MALRD1: variants seen among roughly 807,000 people sequenced by gnomAD.
The protein encoded by MALRD1 is MAM and LDL receptor class A domain containing 1, also known as MAM and LDL-receptor class A domain-containing protein 1.
In MALRD1, 247 loss-of-function variants were observed where a neutral mutation model predicts 242.1. The observed-to-expected ratio is 1.02, with a 90% CI of 0.92 to 1.13. The LOEUF (loss-of-function observed/expected upper bound fraction) is 1.13, where lower values mean the gene tolerates loss of function less well. Among genes scored for constraint, MALRD1 ranks in the 50% most tolerant of loss-of-function variants. MALRD1 has a pLI of 0.00. For missense variants in MALRD1, 2,989 were observed against 2,533.1 expected, an observed-to-expected ratio of 1.18 and a Z score of -3.86; for synonymous variants, 995 against 866.6, an observed-to-expected ratio of 1.15 and a Z score of -2.60.
At chr10:19,491,083 T>G (rs1837473430) in intron 29 of MALRD1, 1 of 281,888 alleles carries the variant, frequency 3.5e-6, no homozygotes, top group Non-Finnish European at 7.4e-6. Context: ...GACAGGAACA[T>G]ATCATTAAAA....
intron 12 of MALRD1, among the ~76,000 whole-genome samples, chr10:19,157,868 A>G (rs1009332192): frequency 2.0e-4 from 30 of 152,134 alleles, no homozygotes; most frequent in African/African-American, 4.8e-4. Context: ...GTGAGTTGCC[A>G]TTTCTAACAG....
intron 29 of MALRD1, among the ~76,000 whole-genome samples, chr10:19,480,958 T>C (rs1355058174): frequency 6.6e-6 from 1 of 152,158 alleles, no homozygotes; most frequent in Non-Finnish European, 1.5e-5. Flanking sequence ...AAACTGAATA[T>C]TTAAAATATA....
rs1455752355 is a variant in MALRD1 at position 19,315,654 on chromosome 10, ATTAT to A, written c.3420-8290_3420-8287del. ...ATATTATTTATATAAATATATAAAT[ATTAT>A]TTATATGACTATAGTTATATATTAT... On this transcript the variant is annotated intron_variant, in intron 21 of 39. Coordinates refer to ENST00000454679, the MANE Select transcript of MALRD1 (RefSeq NM_001142308.3). Among the ~76,000 whole-genome samples the A allele has an allele frequency of 6.2e-5, 8 of 128,582 alleles. No homozygotes were observed. The East Asian group carries it at 9.2e-4, about 15-fold the overall frequency. The allele number at this position is 128,582 out of a possible 152,430, so 84.4% of individuals were successfully genotyped here.
chr10:19,307,626 G>T (rs964609371), intron 21 of MALRD1, among the ~76,000 whole-genome samples: 1 of 151,468 alleles, frequency 6.6e-6, no homozygotes, highest in African/African-American at 2.4e-5. Flanking sequence ...GCTCTTTGAG[G>T]CAAATTGGTA....
At chr10:19,489,415 A>G in intron 29 of MALRD1, 1 of 563,132 alleles carries the variant, frequency 1.8e-6, no homozygotes, top group Non-Finnish European at 3.4e-6. Flanking sequence ...ACTATGTACC[A>G]TGTCTTATCA....
intron 14 of MALRD1, among the ~76,000 whole-genome samples, chr10:19,187,211 G>T (rs187267975): frequency 6.6e-6 from 1 of 152,056 alleles, no homozygotes; most frequent in Non-Finnish European, 1.5e-5. Context: ...ATTAATATTA[G>T]GGCCCTGCTT....
chr10:19,530,608 A>T (rs969498275), intron 31 of MALRD1, among the ~76,000 whole-genome samples: 3 of 150,818 alleles, frequency 2.0e-5, no homozygotes, highest in Non-Finnish European at 4.4e-5. Flanking sequence ...AATGATAGCT[A>T]TGATGAATTT....
At chr10:19,072,877 G>A (rs1001390253) in intron 2 of MALRD1, among the ~76,000 whole-genome samples, 19 of 151,814 alleles carry the variant, frequency 1.3e-4, no homozygotes, top group Non-Finnish European at 1.0e-4. Flanking sequence ...ATGTGTTAAC[G>A]AAATGGAATT....
At chr10:19,581,983 A>AT (rs1485846347) in intron 33 of MALRD1, among the ~76,000 whole-genome samples, 1 of 151,802 alleles carries the variant, frequency 6.6e-6, no homozygotes, top group Non-Finnish European at 1.5e-5. Context: ...GATGGTGAGC[A>AT]TTTTTTTCAT....
At chr10:19,443,537 T>C (rs940143142) in intron 28 of MALRD1, among the ~76,000 whole-genome samples, 1 of 152,200 alleles carries the variant, frequency 6.6e-6, no homozygotes, top group Non-Finnish European at 1.5e-5. Flanking sequence ...CTCTCATTGG[T>C]TTCAAAGAAC....
intron 28 of MALRD1, among the ~76,000 whole-genome samples, chr10:19,398,984 G>A (rs1451967783): frequency 6.6e-6 from 1 of 152,196 alleles, no homozygotes; most frequent in African/African-American, 2.4e-5. Context: ...GGCTGCTCGT[G>A]AATTAATATA....
chr10:19,236,890 T>C (rs1314899438), intron 18 of MALRD1, among the ~76,000 whole-genome samples: 1 of 152,094 alleles, frequency 6.6e-6, no homozygotes, highest in Non-Finnish European at 1.5e-5. Context: ...CAAATATTTC[T>C]AACACATTAG....
chr10:19,312,242 G>C (rs1231164712), intron 21 of MALRD1, among the ~76,000 whole-genome samples: 3 of 151,154 alleles, frequency 2.0e-5, no homozygotes, highest in Admixed American at 6.6e-5. Flanking sequence ...AAACTTATCT[G>C]TTTTTCCATT....
rs199933808 is a variant in MALRD1, at chr10:19,637,056, CTAAA to C, written c.6137+21139_6137+21142del. Among the ~76,000 whole-genome samples, 1,407 of 151,976 alleles carry C rather than the reference CTAAA, an allele frequency of 9.3e-3. 19 individuals are homozygous for C. Among genetic ancestry groups the C allele is most frequent in the African/African-American group, 0.032 (1,320 of 41,436 alleles). On this transcript the variant is annotated intron_variant, in intron 36 of 39. Transcript: ENST00000454679. Reference sequence around the variant, plus strand: ...ATGAAATAAAAGTAAACTTGTCACCCTAAATAAATTAAATTGATAACCAAAAAGT... The same window carrying C: ...ATGAAATAAAAGTAAACTTGTCACCCTAAATTAAATTGATAACCAAAAAGT...
intron 32 of MALRD1, among the ~76,000 whole-genome samples, chr10:19,564,237 A>G (rs1836156335): frequency 6.6e-6 from 1 of 152,176 alleles, no homozygotes; most frequent in African/African-American, 2.4e-5. Context: ...CCTTCAAAGG[A>G]GTCTTCATTA....
intron 26 of MALRD1, among the ~76,000 whole-genome samples, chr10:19,372,490 A>G (rs1417180198): frequency 6.6e-6 from 1 of 151,588 alleles, no homozygotes; most frequent in Non-Finnish European, 1.5e-5. Context: ...TTTTTTGCAA[A>G]TGGAGTTTCA....
At chr10:19,645,281 G>A (rs1172781304) in intron 36 of MALRD1, among the ~76,000 whole-genome samples, 4 of 152,166 alleles carry the variant, frequency 2.6e-5, no homozygotes, top group African/African-American at 7.2e-5. Flanking sequence ...CTGTTGGTGG[G>A]ACTGTCAACT....
intron 12 of MALRD1, among the ~76,000 whole-genome samples, chr10:19,161,976 C>T (rs552175953): frequency 3.9e-5 from 6 of 152,112 alleles, no homozygotes; most frequent in South Asian, 2.1e-4. Flanking sequence ...TGCAGTGAGC[C>T]GTGATCACGC....
intron 29 of MALRD1, among the ~76,000 whole-genome samples, chr10:19,468,051 C>G (rs1836309237): frequency 6.6e-6 from 1 of 152,108 alleles, no homozygotes; most frequent in Non-Finnish European, 1.5e-5. Context: ...GCCTCAGCCT[C>G]CCAAAGTGCT....
Sources: allele counts gnomAD v4.1 joint callset (sites outside exome capture counted in the v4.1 genomes callset), GRCh38; gene constraint gnomAD v4.1.1; transcripts MANE v1.5; gene names NCBI Gene and HGNC (gene_info 2026-07-23, HGNC 2026-07-21).